GSE1: variants seen among roughly 807,000 people sequenced by gnomAD.
GSE1 encodes the protein Gse1 coiled-coil protein.
GSE1 carries 32 observed loss-of-function variants against 112.6 expected under a neutral mutation model. The ratio of observed to expected loss-of-function variants is 0.28; its 90% CI spans 0.21 to 0.38. The LOEUF (loss-of-function observed/expected upper bound fraction) is 0.38, where lower values mean the gene tolerates loss of function less well. GSE1 is among the 10% of genes least tolerant of loss of function. GSE1 has a pLI of 1.00. For synonymous variants in GSE1, 1,115 were observed against 735.6 expected (o/e 1.52, Z -8.35); for missense variants, 2,348 against 1,699.2 (o/e 1.38, Z -6.71).
chr16:85,238,042 T>C (rs1224224766), intron 1 of GSE1, among the ~76,000 whole-genome samples: 1 of 152,026 alleles, frequency 6.6e-6, no homozygotes, highest in East Asian at 1.9e-4. Flanking sequence ...TGGCCCTGGG[T>C]AGGGGCAGTG....
At chr16:85,218,329 C>T (rs185617934) in intron 1 of GSE1, among the ~76,000 whole-genome samples, 42 of 152,288 alleles carry the variant, frequency 2.8e-4, no homozygotes, top group East Asian at 5.8e-4. Context: ...CCCTGTGACT[C>T]GGGATGGGCT....
At chr16:85,553,310 C>T (rs1488126967), upstream of GSE1, among the ~76,000 whole-genome samples, 1 of 150,490 alleles carries the variant, frequency 6.6e-6, no homozygotes, top group African/African-American at 2.4e-5. Flanking sequence ...GCCGCCGCCG[C>T]TGCCGGCGGG....
At chr16:85,571,857 G>T (rs2045995657) in intron 1 of GSE1, among the ~76,000 whole-genome samples, 1 of 152,098 alleles carries the variant, frequency 6.6e-6, no homozygotes, top group Admixed American at 6.5e-5. Flanking sequence ...AGAGACGGTG[G>T]CTGTCCATGA....
chr16:85,483,135 A>G (rs2050733818), intron 2 of GSE1, among the ~76,000 whole-genome samples: 1 of 152,262 alleles, frequency 6.6e-6, no homozygotes, highest in Non-Finnish European at 1.5e-5. Context: ...TCAGGTGTAT[A>G]TGAAGCAGAA....
intron 3 of GSE1, among the ~76,000 whole-genome samples, chr16:85,653,577 C>T (rs924726604): frequency 2.6e-4 from 39 of 151,718 alleles, no homozygotes; most frequent in African/African-American, 8.5e-4. Flanking sequence ...CCACTGTGTC[C>T]AGGAGCCTGG....
At chr16:85,349,944 C>T (rs1027324982) in intron 1 of GSE1, among the ~76,000 whole-genome samples, 1 of 152,166 alleles carries the variant, frequency 6.6e-6, no homozygotes. Flanking sequence ...GTTTACTGAG[C>T]ACCTACTGTG....
chr16:85,576,945 C>T (rs1335900983), intron 1 of GSE1, among the ~76,000 whole-genome samples: 1 of 152,188 alleles, frequency 6.6e-6, no homozygotes, highest in Non-Finnish European at 1.5e-5. Flanking sequence ...CAGGCCCTTC[C>T]CTGAATGCAG....
chr16:85,410,495 G>GC (rs1342914418), intron 2 of GSE1, among the ~76,000 whole-genome samples: 2 of 4,682 alleles, frequency 4.3e-4, no homozygotes, highest in African/African-American at 9.4e-4. Flanking sequence ...TACACTCAGG[G>GC]CCCCCCGGAT....
rs181152377 is a variant in GSE1, at chr16:85,539,662, C to T, written c.2465-94252C>T. Among the ~76,000 whole-genome samples, 201 of 152,242 alleles carry T rather than the reference C, an allele frequency of 1.3e-3. 1 individual carries two copies. The highest frequency in any genetic ancestry group is 4.5e-3 in the African/African-American group (185 of 41,550). On this transcript the variant is annotated intron_variant, in intron 2 of 2. Coordinates refer to the GSE1 transcript ENST00000637419. ...GTGGCTGGGTTTGTTTTTTCATTAG[C>T]GCCTGCGTTCACACAGAGACATGTC...
chr16:85,340,530 A>G (rs955005849), intron 1 of GSE1, among the ~76,000 whole-genome samples: 2 of 152,118 alleles, frequency 1.3e-5, no homozygotes, highest in African/African-American at 4.8e-5. Context: ...AATCCCAGAC[A>G]CTCGGGAGGC....
exon 1 of GSE1, chr16:85,169,946 C>T (rs2074331482): frequency 3.0e-6 from 3 of 984,486 alleles, no homozygotes; most frequent in South Asian, 4.7e-5. Flanking sequence ...TGGAACGTCG[C>T]CTACGCGCTG....
intron 1 of GSE1, among the ~76,000 whole-genome samples, chr16:85,232,658 T>C (rs4365279): frequency 0.49 from 75,181 of 152,034 alleles, 18,933 homozygotes; most frequent in Admixed American, 0.59. Context: ...AGGTGCTCCT[T>C]GCTAGGCTCC....
chr16:85,221,615 C>T (rs968859537), intron 1 of GSE1, among the ~76,000 whole-genome samples: 1 of 152,206 alleles, frequency 6.6e-6, no homozygotes, highest in Non-Finnish European at 1.5e-5. Context: ...GCTGCCCCTA[C>T]CCACATCCCC....
intron 3 of GSE1, among the ~76,000 whole-genome samples, chr16:85,651,482 C>G (rs761200269): frequency 1.2e-4 from 18 of 152,192 alleles, no homozygotes; most frequent in Non-Finnish European, 1.5e-5. Flanking sequence ...AGGGCTTTGT[C>G]CTCGGCTGAG....
chr16:85,373,063 C>T lies in GSE1; in HGVS notation c.2464+15420C>T, dbSNP rs1421831460. ...CAGAAGTTCTCCAGAATCACCTGCACGGCTTTGACTGTGAGGGCAGTGGGC... is the reference window on the plus strand; with the variant it reads ...CAGAAGTTCTCCAGAATCACCTGCATGGCTTTGACTGTGAGGGCAGTGGGC... On this transcript the variant is annotated intron_variant, in intron 2 of 2. Transcript: ENST00000637419. The surrounding 1 kb of genome is among the most constrained non-coding windows in gnomAD (Gnocchi z 5.1). 6.6e-6 allele frequency among the ~76,000 whole-genome samples: 1 copy of T among 152,248 alleles called. No individual in the cohort carries two copies. The highest frequency in any genetic ancestry group is 6.5e-5 in the Admixed American group (1 of 15,292).
upstream of GSE1, among the ~76,000 whole-genome samples, chr16:85,611,997 G>C (rs2048015416): frequency 6.6e-6 from 1 of 152,118 alleles, no homozygotes; most frequent in Non-Finnish European, 1.5e-5. Context: ...CCGCACCGCA[G>C]CGCAGCGCTG....
chr16:85,321,922 G>A (rs2046116047), intron 1 of GSE1, among the ~76,000 whole-genome samples: 1 of 152,224 alleles, frequency 6.6e-6, no homozygotes, highest in South Asian at 2.1e-4. Context: ...TGCAGCCTAA[G>A]GTCCTGAGCC....
chr16:85,287,360 T>C (rs1376856310), intron 1 of GSE1, among the ~76,000 whole-genome samples: 1 of 152,110 alleles, frequency 6.6e-6, no homozygotes, highest in Non-Finnish European at 1.5e-5. Flanking sequence ...CCCCAGGGTT[T>C]TGTGGGACCT....
intron 1 of GSE1, among the ~76,000 whole-genome samples, chr16:85,340,227 G>C (rs2046595322): frequency 6.6e-6 from 1 of 152,148 alleles, no homozygotes; most frequent in Non-Finnish European, 1.5e-5. Flanking sequence ...GCGTGTGTCT[G>C]TGGTCCCAGT....
Sources: gnomAD v4.1 joint callset for allele counts (sites outside exome capture counted in the v4.1 genomes callset) on GRCh38, gnomAD v4.1.1 for gene constraint, Gnocchi (gnomAD v3.1) non-coding constraint, MANE v1.5 for transcripts, NCBI Gene and HGNC (gene_info 2026-07-23, HGNC 2026-07-21) for gene names.